Variants in RIPK1 observed in about 807,000 individuals in gnomAD.
The protein encoded by RIPK1 is receptor-interacting serine/threonine-protein kinase 1.
Under a neutral mutation model 62.4 loss-of-function variants are expected in RIPK1, and 27 were observed. That is an observed-to-expected ratio of 0.43 (90% confidence interval 0.32 to 0.60). The LOEUF (loss-of-function observed/expected upper bound fraction) is 0.60. Among genes scored for constraint, RIPK1 ranks in the 20% least tolerant of loss-of-function variants. The pLI, the probability that RIPK1 is intolerant of heterozygous loss-of-function variation, is 0.07. For synonymous variants in RIPK1, 287 were observed against 303.2 expected (o/e 0.95, Z 0.55); for missense variants, 735 against 831.0 (o/e 0.88, Z 1.42).
chr6:3,077,789 G>T lies in RIPK1; in HGVS notation c.175G>T (p.Ala59Ser). 6.2e-7 allele frequency: 1 copy of T among 1,614,138 alleles called. No homozygotes were observed. ...CTTTCCTGCCCACAGGCACAACGAGGCCCTCTTGGAGGAGGCGAAGATGAT... is the reference window on the plus strand; with the variant it reads ...CTTTCCTGCCCACAGGCACAACGAGTCCCTCTTGGAGGAGGCGAAGATGAT... ...KGPNCIEHNE[A>S]LLEEAKMMNR... Residue 59 changes from alanine to serine, a missense_variant, in exon 3 of 11, where the codon GCC becomes TCC. This residue lies in a region of RIPK1 where 671 missense variants were observed against 726.2 expected (regional missense o/e 0.92). Transcript: ENST00000259808.
intron 10 of RIPK1, among the ~76,000 whole-genome samples, chr6:3,112,765 C>G (rs538643902): frequency 2.0e-5 from 3 of 152,136 alleles, no homozygotes; most frequent in African/African-American, 7.2e-5. Context: ...TCTAGAACTC[C>G]CGGGTTCAAG....
chr6:3,080,067 AAGAAG>A lies in RIPK1; in HGVS notation c.322-907_322-903del, dbSNP rs1455075413. On this transcript the variant is annotated intron_variant, in intron 3 of 10. Transcript: ENST00000259808. ...TCCTAAGTCCAAAGGTATACCAAGG[AAGAAG>A]AGAAAACATCTTTTCTGCTACTTTC... is the stretch of plus-strand genomic sequence containing the variant. Among the ~76,000 whole-genome samples, 4 of 152,250 alleles carry A rather than the reference AAGAAG, an allele frequency of 2.6e-5. No homozygotes were observed. The East Asian group carries it at 7.7e-4, about 29-fold the overall frequency.
At chr6:3,096,996 G>A (rs11970359) in intron 7 of RIPK1, among the ~76,000 whole-genome samples, 3,887 of 152,090 alleles carry the variant, frequency 0.026, 176 homozygotes, top group African/African-American at 0.089. Flanking sequence ...TCAGCCTCCC[G>A]AGTAGCTGGG....
At chr6:3,111,988 T>C (rs959313748) in intron 10 of RIPK1, among the ~76,000 whole-genome samples, 1 of 152,196 alleles carries the variant, frequency 6.6e-6, no homozygotes, top group African/African-American at 2.4e-5. Flanking sequence ...TTCTGTTTAA[T>C]GAGGTAGTGT....
At chr6:3,088,159 C>T (rs763120165) in intron 6 of RIPK1, among the ~76,000 whole-genome samples, 22 of 152,216 alleles carry the variant, frequency 1.4e-4, no homozygotes, top group Non-Finnish European at 4.4e-5. Context: ...TCTGTTTTAA[C>T]TGAACTTTCC....
At position 3,105,763 on chromosome 6, in the gene RIPK1, C is replaced by T. The variant is rs764901571; in HGVS notation, c.1288C>T (p.Gln430Ter). 1 of 1,614,212 alleles carries T rather than the reference C, an allele frequency of 6.2e-7. No individual in the cohort carries two copies. The change falls in exon 9 of 11, where the codon CAG becomes TAG. Residue 430 changes from glutamine (Q) to a stop codon, truncating the protein, a stop_gained. Coordinates refer to ENST00000259808, the MANE Select transcript of RIPK1 (RefSeq NM_001354930.2). LOFTEE classifies it high-confidence loss of function. This position sits in a 1 kb window ranked among gnomAD's most constrained non-coding sequence, Gnocchi z 4.5. ...ACAGCAAAGACCTTACGAGAATTTT[C>T]AGAATACAGAGGGAAAAGGCACTGC... ...FAQQRPYENF[Q>*]NTEGKGTAYS...
chr6:3,085,962 T>A (rs999245715), intron 6 of RIPK1, among the ~76,000 whole-genome samples: 1 of 152,270 alleles, frequency 6.6e-6, no homozygotes, highest in Non-Finnish European at 1.5e-5. Flanking sequence ...ATTGTATGAA[T>A]GGAGTGCATT....
upstream of RIPK1, among the ~76,000 whole-genome samples, chr6:3,064,289 C>CGGCGCCTCCT (rs1561736071): frequency 6.6e-6 from 1 of 151,942 alleles, no homozygotes; most frequent in Non-Finnish European, 1.5e-5. Flanking sequence ...GCCGCCCTCC[C>CGGCGCCTCCT]CGGCGCCTCC....
At chr6:3,076,142 A>G (rs1445575612) in intron 1 of RIPK1, among the ~76,000 whole-genome samples, 7 of 152,224 alleles carry the variant, frequency 4.6e-5, no homozygotes, top group East Asian at 3.9e-4. Context: ...ATGCATTTCA[A>G]TGAATGTTTG....
At chr6:3,066,423 A>G (rs1224117928), upstream of RIPK1, among the ~76,000 whole-genome samples, 1 of 152,094 alleles carries the variant, frequency 6.6e-6, no homozygotes. Context: ...TCCTTTTTGT[A>G]TTTCTTGTAT....
At position 3,105,767 on chromosome 6, in the gene RIPK1, A is replaced by G; in HGVS notation, c.1292A>G (p.Asn431Ser). Residue 431 changes from asparagine to serine, a missense_variant, in exon 9 of 11, where the codon AAT becomes AGT. Transcript: ENST00000259808. The surrounding 1 kb of genome is among the most constrained non-coding windows in gnomAD (Gnocchi z 4.5). ...CAAAGACCTTACGAGAATTTTCAGAATACAGAGGGAAAAGGCACTGCTTAT... is the reference window on the plus strand; with the variant it reads ...CAAAGACCTTACGAGAATTTTCAGAGTACAGAGGGAAAAGGCACTGCTTAT... Reference protein sequence around the residue: ...AQQRPYENFQNTEGKGTAYSS... With the variant: ...AQQRPYENFQSTEGKGTAYSS... 4.3e-6 allele frequency: 7 copies of G among 1,614,236 alleles called. No individual in the cohort carries two copies. The highest frequency in any genetic ancestry group is 4.2e-6 in the Non-Finnish European group (5 of 1,180,042).
At chr6:3,109,681 G>C (rs536197373) in intron 9 of RIPK1, among the ~76,000 whole-genome samples, 15 of 152,140 alleles carry the variant, frequency 9.9e-5, no homozygotes, top group Admixed American at 8.5e-4. Context: ...CATTTTTACA[G>C]TGGCATTATC....
intron 7 of RIPK1, among the ~76,000 whole-genome samples, chr6:3,095,111 A>G (rs369785355): frequency 5.9e-5 from 9 of 152,150 alleles, no homozygotes; most frequent in East Asian, 1.9e-4. Context: ...ATTGAAATCC[A>G]TGAATAAGGA....
At chr6:3,087,559 C>CA (rs1401818661) in intron 6 of RIPK1, among the ~76,000 whole-genome samples, 1 of 140,342 alleles carries the variant, frequency 7.1e-6, no homozygotes, top group Non-Finnish European at 1.6e-5. Flanking sequence ...GTCTACTGAG[C>CA]TTTTTTTTTT....
Position 3,105,629 on chromosome 6 carries a change from A to G in RIPK1, c.1154A>G (p.His385Arg). The part of the protein sequence containing the change: ...QSKLQDEANY[H>R]LYGSRMDRQT... ...AAACTCCAAGACGAAGCCAACTACC[A>G]TCTTTATGGCAGCCGCATGGACAGG... The change falls in exon 9 of 11, where the codon CAT (histidine) becomes CGT (arginine). Residue 385 changes from histidine to arginine, a missense_variant. Physicochemically the swap from His to Arg is conservative, Grantham distance 29. Transcript: ENST00000259808. This position sits in a 1 kb window ranked among gnomAD's most constrained non-coding sequence, Gnocchi z 4.5. 6.2e-7 allele frequency: 1 copy of G among 1,614,082 alleles called. No homozygotes were observed. The highest frequency in any genetic ancestry group is 8.5e-7 in the Non-Finnish European group (1 of 1,179,970).
At position 3,105,518 on chromosome 6, in the gene RIPK1, G is replaced by T. The variant is rs1387550967; in HGVS notation, c.1043G>T (p.Gly348Val). The change falls in exon 9 of 11, where the codon GGA (glycine) becomes GTA (valine). Residue 348 changes from glycine (G) to valine (V), a missense_variant. Physicochemically the swap from Gly to Val is moderately radical, Grantham distance 109. Around this residue, in one of 2 missense-constraint regions of RIPK1, gnomAD observed 671 missense variants for 726.2 expected, o/e 0.92. Transcript: ENST00000259808. This position sits in a 1 kb window ranked among gnomAD's most constrained non-coding sequence, Gnocchi z 4.5. ...CCTGGTTCACTGCACAGTTCCCAGG[G>T]ACTTGGGATGGGTCCTGTGGAGGAG... Reference protein sequence around the residue: ...EQPGSLHSSQGLGMGPVEESW... With the variant: ...EQPGSLHSSQVLGMGPVEESW... The T allele has an allele frequency of 6.3e-6, 10 of 1,584,472 alleles. No homozygotes were observed. Among genetic ancestry groups the T allele is most frequent in the Non-Finnish European group, 8.6e-6 (10 of 1,168,568 alleles).
chr6:3,081,826 C>G (rs1039925931), intron 4 of RIPK1, among the ~76,000 whole-genome samples: 5 of 118,118 alleles, frequency 4.2e-5, no homozygotes, highest in African/African-American at 1.6e-4. Context: ...TGCCATCGCA[C>G]TCCAGCCTGG....
chr6:3,065,408 G>A (rs1205379448), upstream of RIPK1, among the ~76,000 whole-genome samples: 1 of 151,946 alleles, frequency 6.6e-6, no homozygotes, highest in Non-Finnish European at 1.5e-5. Context: ...CACAGATGAG[G>A]TGTCCCGACA....
chr6:3,100,044 T>C (rs1301689977), intron 7 of RIPK1, among the ~76,000 whole-genome samples: 1 of 152,188 alleles, frequency 6.6e-6, no homozygotes, highest in Non-Finnish European at 1.5e-5. Flanking sequence ...TGTAATGATA[T>C]AGAAAGATCT....
Sources: gnomAD v4.1 joint callset for allele counts (sites outside exome capture counted in the v4.1 genomes callset) on GRCh38, gnomAD v4.1.1 for gene constraint, gnomAD v4.1.1 regional missense constraint, Gnocchi (gnomAD v3.1) non-coding constraint, MANE v1.5 for transcripts, NCBI Gene and HGNC (gene_info 2026-07-23, HGNC 2026-07-21) for gene names.